The following MROH2A variants were observed in gnomAD, a reference collection of about 807,000 sequenced individuals.
MROH2A encodes the protein maestro heat-like repeat-containing protein family member 2A.
Under a neutral mutation model 200.4 loss-of-function variants are expected in MROH2A, and 174 were observed. The observed-to-expected ratio is 0.87, with a 90% confidence interval of 0.77 to 0.98. The LOEUF (loss-of-function observed/expected upper bound fraction) is 0.98. Ranked by LOEUF, MROH2A falls within the 50% of genes least tolerant of loss-of-function variation. The pLI is 0.00. For synonymous variants in MROH2A, 829 were observed against 840.4 expected, an observed-to-expected ratio of 0.99 and a Z score of 0.23; for missense variants, 2,045 against 2,139.6, an observed-to-expected ratio of 0.96 and a Z score of 0.87.
upstream of MROH2A, chr2:233,778,290 G>T (rs1280158573): frequency 1.2e-5 from 2 of 165,046 alleles, no homozygotes; most frequent in Non-Finnish European, 1.5e-5. Flanking sequence ...ATCTAACGGT[G>T]ATAGTTCTAG....
intron 8 of MROH2A, among the ~76,000 whole-genome samples, 167 bp downstream of exon 8, chr2:233,794,673 C>T (rs533319666): frequency 3.3e-5 from 5 of 152,198 alleles, no homozygotes; most frequent in Admixed American, 6.5e-5. Flanking sequence ...GCCTGGCACC[C>T]GTGGGACTCA....
chr2:233,823,974 G>A (rs1197564292), intron 35 of MROH2A, among the ~76,000 whole-genome samples: 4 of 152,166 alleles, frequency 2.6e-5, no homozygotes, highest in African/African-American at 9.6e-5. Flanking sequence ...CTTCCTGCAG[G>A]AGGACTCAGA....
rs1269473927 is a variant in MROH2A at position 233,779,458 on chromosome 2, A to C, written c.94+6A>C. Reference sequence around the variant, plus strand: ...TCTTGAATTACATGACAGTGGTAAGAATGTCATCCACATTTCTGCTTTCCT... The same window carrying C: ...TCTTGAATTACATGACAGTGGTAAGCATGTCATCCACATTTCTGCTTTCCT... On this transcript the variant is annotated splice_donor_region_variant and intron_variant, in intron 2 of 41. Coordinates refer to ENST00000389758, the MANE Select transcript of MROH2A (RefSeq NM_001394639.1). 6.5e-7 allele frequency: 1 copy of C among 1,543,848 alleles called. No individual in the cohort carries two copies. Among genetic ancestry groups the C allele is most frequent in the Non-Finnish European group, 8.8e-7 (1 of 1,141,182 alleles).
At chr2:233,816,468 A>G (rs571879294) in intron 26 of MROH2A, among the ~76,000 whole-genome samples, 1 of 152,344 alleles carries the variant, frequency 6.6e-6, no homozygotes, top group Middle Eastern at 3.4e-3. Flanking sequence ...TTGCTCTAAA[A>G]TGAACTTTTA....
At chr2:233,815,554 T>C (rs1703460626) in intron 26 of MROH2A, among the ~76,000 whole-genome samples, 1 of 152,214 alleles carries the variant, frequency 6.6e-6, no homozygotes, top group East Asian at 1.9e-4. Context: ...ATATTTTGAG[T>C]TAATTTTTGT....
At chr2:233,801,811 G>T (rs1370340931) in intron 14 of MROH2A, among the ~76,000 whole-genome samples, 5 of 152,208 alleles carry the variant, frequency 3.3e-5, no homozygotes, top group African/African-American at 7.2e-5. Context: ...ATGCACAACT[G>T]GATCATCTGC....
rs1366690606 is a variant in MROH2A at position 233,807,984 on chromosome 2, GCTGAGACATTGTCTTACT to G, written c.2295+137_2295+154del. 3.3e-6 allele frequency: 4 copies of G among 1,212,496 alleles called. No homozygotes were observed. The highest frequency in any genetic ancestry group is 4.6e-6 in the Non-Finnish European group (4 of 863,200). 75.1% of individuals were successfully genotyped at this position (1,212,496 alleles called of 1,614,324 possible). Reference sequence around the variant, plus strand: ...CACGGAGTCTCCTGTCATCAAAATGGCTGAGACATTGTCTTACTCTGAGACCTCCTGGACAGAGCTTTT... The same window carrying G: ...CACGGAGTCTCCTGTCATCAAAATGGCTGAGACCTCCTGGACAGAGCTTTT... On this transcript the variant is annotated intron_variant, in intron 21 of 41. Coordinates refer to ENST00000389758, the MANE Select transcript of MROH2A (RefSeq NM_001394639.1). The surrounding 1 kb of genome is among the most constrained non-coding windows in gnomAD (Gnocchi z 4.3).
At chr2:233,783,161 A>G (rs1354186462) in intron 3 of MROH2A, among the ~76,000 whole-genome samples, 1 of 152,110 alleles carries the variant, frequency 6.6e-6, no homozygotes, top group Non-Finnish European at 1.5e-5. Context: ...CATCACAGAT[A>G]TTGGCCTGTA....
intron 39 of MROH2A, 145 bp downstream of exon 39, chr2:233,831,685 G>A: frequency 1.1e-6 from 1 of 906,856 alleles, no homozygotes; most frequent in Non-Finnish European, 1.6e-6. Context: ...CTGTGCAGCA[G>A]AAATAGAAGG....
chr2:233,831,568 C>T (rs1022102741), intron 39 of MROH2A, 28 bp downstream of exon 39: 8 of 1,540,454 alleles, frequency 5.2e-6, no homozygotes, highest in South Asian at 4.8e-5. Flanking sequence ...GGAACCAGCC[C>T]GTCCCAGGTG....
Position 233,828,988 on chromosome 2 carries a change from C to A in MROH2A, c.4362C>A (p.Thr1454=), listed in dbSNP as rs371380735. 1 of 1,550,508 alleles carries A rather than the reference C, an allele frequency of 6.4e-7. No individual in the cohort carries two copies. The highest frequency in any genetic ancestry group is 8.7e-7 in the Non-Finnish European group (1 of 1,146,964). ...SVTAEGMEAL[T]KILAELREGD... The stretch of plus-strand genomic sequence containing the variant: ...CTGCCGAGGGCATGGAGGCCCTGAC[C>A]AAGATCCTGGCTGAGCTCCGGGAAG... Residue 1454 remains threonine (T), a synonymous_variant, in exon 37 of 42, where the codon ACC becomes ACA. Coordinates refer to ENST00000389758, the MANE Select transcript of MROH2A (RefSeq NM_001394639.1). This position sits in a 1 kb window ranked among gnomAD's most constrained non-coding sequence, Gnocchi z 4.6.
Position 233,818,135 on chromosome 2 carries a change from G to T in MROH2A, c.3085+10G>T. 1 of 1,549,976 alleles carries T rather than the reference G, an allele frequency of 6.5e-7. No homozygotes were observed. The stretch of plus-strand genomic sequence containing the variant: ...CTGCTAGATCTTCACGGTATGAGAG[G>T]GCAGGACATGAGGACCAGCTCCTCT... On this transcript the variant is annotated intron_variant, in intron 28 of 41. Transcript: ENST00000389758.
Position 233,796,218 on chromosome 2 carries a change from A to C in MROH2A, c.1157A>C (p.Glu386Ala), listed in dbSNP as rs775010542. 5 of 1,550,244 alleles carry C rather than the reference A, an allele frequency of 3.2e-6. No individual in the cohort carries two copies. Among genetic ancestry groups the C allele is most frequent in the Non-Finnish European group, 2.6e-6 (3 of 1,146,808 alleles). Reference protein sequence around the residue: ...FVALARSYPKELMKFFFSQME... With the variant: ...FVALARSYPKALMKFFFSQME... ...CCTGCAGCTCGCTCCTACCCCAAGGAGCTGATGAAGTTCTTCTTCAGCCAG... is the reference window on the plus strand; with the variant it reads ...CCTGCAGCTCGCTCCTACCCCAAGGCGCTGATGAAGTTCTTCTTCAGCCAG... Residue 386 changes from glutamate (E) to alanine (A), a missense_variant, in exon 11 of 42, where the codon GAG (glutamate) becomes GCG (alanine). Transcript: ENST00000389758.
At chr2:233,815,828 T>TG (rs1703482142) in intron 26 of MROH2A, among the ~76,000 whole-genome samples, 1 of 143,812 alleles carries the variant, frequency 7.0e-6, no homozygotes, top group Non-Finnish European at 1.5e-5. Context: ...TCAGATAATG[T>TG]AAGTCCTTAG....
chr2:233,829,763 C>A lies in MROH2A; in HGVS notation c.4590C>A (p.Ser1530=). 1 of 1,383,982 alleles carries A rather than the reference C, an allele frequency of 7.2e-7. No individual in the cohort carries two copies. The highest frequency in any genetic ancestry group is 9.4e-7 in the Non-Finnish European group (1 of 1,063,146). 85.7% of individuals were successfully genotyped at this position (1,383,982 alleles called of 1,614,324 possible). ...TGCTGCACTCCCAGGACCCCTGCTC[C>A]AATGCAGCCCAAGTAAGATACATCC... ...PLMLHSQDPC[S]NAAQACMATM... Residue 1530 remains serine (S), a synonymous_variant, in exon 38 of 42, where the codon TCC becomes TCA. Transcript: ENST00000389758.
intron 3 of MROH2A, among the ~76,000 whole-genome samples, chr2:233,788,913 C>CAGCCA (rs1201017133): frequency 6.2e-5 from 8 of 130,052 alleles, no homozygotes; most frequent in African/African-American, 2.3e-4. Context: ...CACTCCAGCC[C>CAGCCA]GGGCGGCAGA....
intron 3 of MROH2A, among the ~76,000 whole-genome samples, chr2:233,782,331 A>C (rs926898846): frequency 1.3e-5 from 2 of 152,232 alleles, no homozygotes; most frequent in African/African-American, 4.8e-5. Flanking sequence ...ATCAGTGAGC[A>C]TGAAATAGCT....
rs1411517680 is a variant in MROH2A, at chr2:233,829,024, GTCCTCTT to G, written c.4401_4407del (p.Ser1468ThrfsTer20). The G allele has an allele frequency of 1.3e-6, 2 of 1,549,474 alleles. No homozygotes were observed. Among genetic ancestry groups the G allele is most frequent in the Non-Finnish European group, 1.7e-6 (2 of 1,146,476 alleles). On this transcript the variant is annotated frameshift_variant, in exon 37 of 42. Coordinates refer to ENST00000389758, the MANE Select transcript of MROH2A (RefSeq NM_001394639.1). LOFTEE classifies it high-confidence loss of function. ...CTGAGCTCCGGGAAGGGGATGTGGG[GTCCTCTT>G]TCGACGCCATGTCTGAGCAGTGCAG...
Position 233,794,503 on chromosome 2 carries a change from G to T in MROH2A, c.963G>T (p.Thr321=), listed in dbSNP as rs545490002. Residue 321 remains threonine, a synonymous_variant, in exon 8 of 42, where the codon ACG becomes ACT. Transcript: ENST00000389758. The stretch of plus-strand genomic sequence containing the variant: ...GCAGTCTGGAGGTGCTCTTCGTCAC[G>T]CAGGCGAGTGGCCAGGCAGCCACGG... The part of the protein sequence containing the change: ...YQGSLEVLFV[T]QVLRQILELS... 2.7e-6 allele frequency: 4 copies of T among 1,502,308 alleles called. No homozygotes were observed. Among genetic ancestry groups the T allele is most frequent in the Non-Finnish European group, 3.6e-6 (4 of 1,103,244 alleles). 93.1% of individuals were successfully genotyped at this position (1,502,308 alleles called of 1,614,324 possible).
Sources: allele counts gnomAD v4.1 joint callset (sites outside exome capture counted in the v4.1 genomes callset), GRCh38; gene constraint gnomAD v4.1.1; non-coding constraint Gnocchi (gnomAD v3.1); transcripts MANE v1.5; gene names NCBI Gene and HGNC (gene_info 2026-07-23, HGNC 2026-07-21).